Variants in NUFIP2 observed in about 807,000 individuals in gnomAD.
NUFIP2 encodes FMR1-interacting protein NUFIP2.
Under a neutral mutation model 56.9 loss-of-function variants are expected in NUFIP2, and 6 were observed. The ratio of observed to expected loss-of-function variants is 0.11; its 90% confidence interval spans 0.06 to 0.21. The LOEUF is 0.21. NUFIP2 is among the 10% of genes least tolerant of loss of function. The pLI is 1.00. For missense variants in NUFIP2, 828 were observed against 826.8 expected, an observed-to-expected ratio of 1.00 and a Z score of -0.02; for synonymous variants, 321 against 298.2, an observed-to-expected ratio of 1.08 and a Z score of -0.79.
intron 2 of NUFIP2, among the ~76,000 whole-genome samples, chr17:29,278,371 C>T (rs2069120765): frequency 1.3e-5 from 2 of 151,840 alleles, no homozygotes; most frequent in Admixed American, 6.6e-5. Context: ...CTCAGCCTCC[C>T]GAGTAGCTGG....
At position 29,287,182 on chromosome 17, in the gene NUFIP2, T is replaced by C. The variant is rs2069182375; in HGVS notation, c.812A>G (p.Asn271Ser). 3 of 1,614,214 alleles carry C rather than the reference T, an allele frequency of 1.9e-6. No individual in the cohort carries two copies. The highest frequency in any genetic ancestry group is 1.7e-6 in the Non-Finnish European group (2 of 1,180,044). Residue 271 changes from asparagine (N) to serine (S), a missense_variant, in exon 2 of 4, where the codon AAT (asparagine) becomes AGT (serine). Coordinates refer to ENST00000225388, the MANE Select transcript of NUFIP2 (RefSeq NM_020772.3). ...AATGGGCTTCGAACCATCTACTCGA[T>C]TTCCCTTTTGTTCACTATAGTCAGG... ...FKPDYSEQKG[N>S]RVDGSKPIWK...
In NUFIP2 at chr17:29,261,693, T is replaced by C. The variant is rs192242138; in HGVS notation, c.*2846A>G. The C allele has an allele frequency of 2.6e-5, 4 of 152,678 alleles. No homozygotes were observed. Among genetic ancestry groups the C allele is most frequent in the South Asian group, 2.1e-4 (1 of 4,832 alleles). 9.5% of individuals were successfully genotyped at this position (152,678 alleles called of 1,614,324 possible). ...TTGTGTGAGGACCTAAGGAGAAAGA[T>C]TGCAACAAATAGAGTTAAGTGTTAC... On this transcript the variant is annotated 3_prime_UTR_variant, in exon 4 of 4. Coordinates refer to ENST00000225388, the MANE Select transcript of NUFIP2 (RefSeq NM_020772.3).
At chr17:29,268,002 G>A (rs1459944417) in intron 2 of NUFIP2, among the ~76,000 whole-genome samples, 2 of 152,060 alleles carry the variant, frequency 1.3e-5, no homozygotes, top group African/African-American at 4.8e-5. Flanking sequence ...GGGTTCCAGC[G>A]CTTCTCCTGT....
intron 2 of NUFIP2, among the ~76,000 whole-genome samples, chr17:29,270,776 T>C (rs1598430730): frequency 1.3e-5 from 2 of 151,974 alleles, no homozygotes; most frequent in East Asian, 3.9e-4. Context: ...GGGACCAGCC[T>C]GGGAAACATA....
At chr17:29,284,036 A>T (rs2069155896) in intron 2 of NUFIP2, among the ~76,000 whole-genome samples, 1 of 152,256 alleles carries the variant, frequency 6.6e-6, no homozygotes, top group African/African-American at 2.4e-5. Context: ...AAATTTGCTT[A>T]GAAGTCACAA....
At chr17:29,264,660 T>A (rs1417878696) in intron 3 of NUFIP2, 69 bp from the exon 4 acceptor site, 3 of 1,018,176 alleles carry the variant, frequency 2.9e-6, no homozygotes, top group South Asian at 1.3e-5. Context: ...CCAATAACAA[T>A]CCCAAATAAC....
chr17:29,280,908 C>T (rs2069135759), intron 2 of NUFIP2, among the ~76,000 whole-genome samples: 1 of 93,900 alleles, frequency 1.1e-5, no homozygotes, highest in African/African-American at 2.8e-5. Flanking sequence ...TCGCTTGAAC[C>T]CAGGAGGCAG....
intron 2 of NUFIP2, among the ~76,000 whole-genome samples, chr17:29,283,257 TA>T (rs879475339): frequency 6.6e-6 from 1 of 152,208 alleles, no homozygotes; most frequent in African/African-American, 2.4e-5. Flanking sequence ...CATTCCAATT[TA>T]AAAATGGCCT....
At chr17:29,269,062 C>A (rs945706642) in intron 2 of NUFIP2, among the ~76,000 whole-genome samples, 1 of 152,086 alleles carries the variant, frequency 6.6e-6, no homozygotes, top group Non-Finnish European at 1.5e-5. Context: ...ATATAGTCAA[C>A]AGTAATTGAC....
rs2069236257 is a variant in NUFIP2 at position 29,294,008 on chromosome 17, G to A, written c.52C>T (p.His18Tyr). ...TGCTGCTGAGGGTGATGGTGCGGAT[G>A]GTGGTGGCTGTGATGGTGCTGAGGC... ...PQPQHHHSHH[H>Y]PHHHPQQQQQ... is the part of the protein sequence containing the mutation. Residue 18 changes from histidine to tyrosine, a missense_variant, in exon 1 of 4, where the codon CAT becomes TAT. Physicochemically the swap from His to Tyr is moderately conservative, Grantham distance 83. This residue lies in a region of NUFIP2 where 415 missense variants were observed against 408.7 expected (regional missense o/e 1.02). Coordinates refer to ENST00000225388, the MANE Select transcript of NUFIP2 (RefSeq NM_020772.3). The A allele has an allele frequency of 1.2e-6, 2 of 1,613,070 alleles. No homozygotes were observed. The highest frequency in any genetic ancestry group is 1.7e-6 in the Non-Finnish European group (2 of 1,179,426).
At chr17:29,281,128 C>A (rs963083697) in intron 2 of NUFIP2, among the ~76,000 whole-genome samples, 1 of 150,140 alleles carries the variant, frequency 6.7e-6, no homozygotes, top group Non-Finnish European at 1.5e-5. Context: ...GACACCGTCA[C>A]TATATGTATA....
chr17:29,292,962 G>A (rs2069227107), intron 1 of NUFIP2, among the ~76,000 whole-genome samples: 2 of 146,146 alleles, frequency 1.4e-5, no homozygotes, highest in Admixed American at 1.4e-4. Context: ...TGGTGATCCC[G>A]GGTCACCCGG....
intron 1 of NUFIP2, among the ~76,000 whole-genome samples, chr17:29,289,593 CA>C (rs1357033731): frequency 1.3e-5 from 2 of 151,294 alleles, no homozygotes; most frequent in African/African-American, 4.9e-5. Context: ...ATTCCACTTC[CA>C]AAAAAAAGAA....
At chr17:29,276,795 C>T (rs1261226800) in intron 2 of NUFIP2, among the ~76,000 whole-genome samples, 1 of 152,090 alleles carries the variant, frequency 6.6e-6, no homozygotes, top group Admixed American at 6.6e-5. Flanking sequence ...CATAAGTCAG[C>T]CAGGAAGTAA....
At chr17:29,276,345 G>A (rs1474782200) in intron 2 of NUFIP2, among the ~76,000 whole-genome samples, 1 of 151,992 alleles carries the variant, frequency 6.6e-6, no homozygotes, top group African/African-American at 2.4e-5. Flanking sequence ...AATCCTGACT[G>A]CCCTTCCCTC....
chr17:29,276,009 C>CA (rs1306966599), intron 2 of NUFIP2, among the ~76,000 whole-genome samples: 3 of 138,318 alleles, frequency 2.2e-5, no homozygotes, highest in Non-Finnish European at 4.7e-5. Flanking sequence ...GCCTAGGTGA[C>CA]AGAGTAAGAC....
In NUFIP2 at chr17:29,286,965, A is replaced by G. The variant is rs147069849; in HGVS notation, c.1029T>C (p.Phe343=). The change falls in exon 2 of 4, where the codon TTT becomes TTC. Residue 343 remains phenylalanine (F), a synonymous_variant. Coordinates refer to ENST00000225388, the MANE Select transcript of NUFIP2 (RefSeq NM_020772.3). The part of the protein sequence containing the change: ...SWTLFKPPPV[F]PVDNSSAKIV... The stretch of plus-strand genomic sequence containing the variant: ...TTTTAGCACTGCTATTGTCCACTGG[A>G]AAAACTGGGGGTGGTTTAAATAGGG... 1.2e-6 allele frequency: 2 copies of G among 1,614,132 alleles called. No homozygotes were observed. The highest frequency in any genetic ancestry group is 2.2e-5 in the East Asian group (1 of 44,888).
intron 2 of NUFIP2, among the ~76,000 whole-genome samples, chr17:29,275,604 T>C (rs1162507325): frequency 6.6e-6 from 1 of 152,206 alleles, no homozygotes; most frequent in African/African-American, 2.4e-5. Context: ...CCCAATGTCA[T>C]TGCCCTGGCT....
Position 29,260,118 on chromosome 17 carries a change from A to C in NUFIP2, c.*4421T>G, listed in dbSNP as rs2068994113. 1 of 152,242 alleles carries C rather than the reference A, an allele frequency of 6.6e-6. No homozygotes were observed. 9.4% of individuals were successfully genotyped at this position (152,242 alleles called of 1,614,324 possible). A position where few individuals can be genotyped will look rare whatever the true frequency, so the allele number is the denominator to read the frequency against. ...AAGCTATGTGCCTCTGGCAAACCTA[A>C]AGCAGCTATTTATGCTTCTAGTCTT... On this transcript the variant is annotated 3_prime_UTR_variant, in exon 4 of 4. Transcript: ENST00000225388.
Sources: gnomAD v4.1 joint callset for allele counts (sites outside exome capture counted in the v4.1 genomes callset) on GRCh38, gnomAD v4.1.1 for gene constraint, gnomAD v4.1.1 regional missense constraint, MANE v1.5 for transcripts, NCBI Gene and HGNC (gene_info 2026-07-23, HGNC 2026-07-21) for gene names.